Variants in ENTPD1 observed in about 807,000 individuals in gnomAD.
The protein encoded by ENTPD1 is ectonucleoside triphosphate diphosphohydrolase 1, also known as ATP diphosphohydrolase.
In ENTPD1, 33 loss-of-function variants were observed where a neutral mutation model predicts 57.0. The observed-to-expected ratio is 0.58, with a 90% CI of 0.44 to 0.77. The LOEUF is 0.77. Ranked by LOEUF, ENTPD1 falls within the 30% of genes least tolerant of loss-of-function variation. The pLI is 0.00. For synonymous variants in ENTPD1, 202 were observed against 218.8 expected (o/e 0.92, Z 0.68); for missense variants, 501 against 603.4 (o/e 0.83, Z 1.78).
intron 1 of ENTPD1, among the ~76,000 whole-genome samples, chr10:95,733,306 C>CA (rs1398440689): frequency 1.3e-5 from 2 of 152,186 alleles, no homozygotes; most frequent in African/African-American, 4.8e-5. Context: ...GCCCTTGTTC[C>CA]ATGAACATCA....
intron 1 of ENTPD1, among the ~76,000 whole-genome samples, chr10:95,792,197 A>G (rs2098207305): frequency 6.6e-6 from 1 of 152,212 alleles, no homozygotes; most frequent in African/African-American, 2.4e-5. Context: ...GTTTCTTGGG[A>G]TACAGCACTT....
At chr10:95,723,711 C>G (rs1336625444) in intron 1 of ENTPD1, among the ~76,000 whole-genome samples, 1 of 152,168 alleles carries the variant, frequency 6.6e-6, no homozygotes, top group Admixed American at 6.5e-5. Context: ...GTAGAGACTT[C>G]TGGCTGTGCC....
chr10:95,800,946 A>C (rs928055675), intron 1 of ENTPD1, among the ~76,000 whole-genome samples: 1 of 152,248 alleles, frequency 6.6e-6, no homozygotes, highest in Admixed American at 6.5e-5. Flanking sequence ...TGACAGGATT[A>C]AGAGATTAAA....
intron 1 of ENTPD1, among the ~76,000 whole-genome samples, chr10:95,764,207 T>C (rs2098079250): frequency 1.3e-5 from 2 of 152,350 alleles, no homozygotes; most frequent in South Asian, 4.1e-4. Flanking sequence ...CAATCTACTT[T>C]CTGTCCCCAC....
In ENTPD1 at chr10:95,797,041, C is replaced by A. The variant is rs141983124; in HGVS notation, c.17-26196C>A. Among the ~76,000 whole-genome samples, 145 of 152,050 alleles carry A rather than the reference C, an allele frequency of 9.5e-4. 1 individual carries two copies. Among genetic ancestry groups the A allele is most frequent in the African/African-American group, 3.2e-3 (131 of 41,476 alleles). Reference sequence around the variant, plus strand: ...TGAGCTATAATTATGCCACTGCACTCCAGCCTGGGTTACAGAGCAAGACTC... The same window carrying A: ...TGAGCTATAATTATGCCACTGCACTACAGCCTGGGTTACAGAGCAAGACTC... On this transcript the variant is annotated intron_variant, in intron 1 of 9. Transcript: ENST00000371205.
chr10:95,868,122 A>G lies in ENTPD1; in HGVS notation c.*1739A>G, dbSNP rs530474723. The G allele has an allele frequency of 2.7e-3, 2,609 of 983,782 alleles. 6 individuals are homozygous for G. The highest frequency in any genetic ancestry group is 3.0e-3 in the Non-Finnish European group (2,445 of 828,386). 60.9% of individuals were successfully genotyped at this position (983,782 alleles called of 1,614,324 possible). A position where few individuals can be genotyped will look rare whatever the true frequency, so the allele number is the denominator to read the frequency against. ...TTTAATCCTCACAACAATCTGAAGA[A>G]GGTAGGTATTACAATTCCCACTTCA... On this transcript the variant is annotated 3_prime_UTR_variant, in exon 10 of 10. Transcript: ENST00000371205.
upstream of ENTPD1, chr10:95,753,339 T>C (rs1043228743): frequency 2.6e-5 from 4 of 152,236 alleles, no homozygotes; most frequent in Admixed American, 2.6e-4. Flanking sequence ...ATTTTCATGA[T>C]GCTGAGGAGG....
chr10:95,764,237 A>T (rs987630383), intron 1 of ENTPD1, among the ~76,000 whole-genome samples: 16 of 152,366 alleles, frequency 1.1e-4, no homozygotes, highest in Non-Finnish European at 2.2e-4. Flanking sequence ...AATTCTGGAC[A>T]TTCATTTCAT....
chr10:95,845,471 A>G lies in ENTPD1; in HGVS notation c.688A>G (p.Ile230Val). ...QVTFVPQNQTIESPDNALQFR... is the reference protein window; with the variant it reads ...QVTFVPQNQTVESPDNALQFR... ...CACTTTTGTACCCCAAAACCAGACT[A>G]TCGAGTCCCCAGATAATGCTCTGCA... Residue 230 changes from isoleucine to valine, a missense_variant, in exon 6 of 10, where the codon ATC becomes GTC. Transcript: ENST00000371205. The G allele has an allele frequency of 6.2e-7, 1 of 1,614,238 alleles. No homozygotes were observed. Among genetic ancestry groups the G allele is most frequent in the Non-Finnish European group, 8.5e-7 (1 of 1,180,038 alleles).
intron 1 of ENTPD1, among the ~76,000 whole-genome samples, chr10:95,729,636 G>T (rs1178064445): frequency 1.3e-5 from 2 of 152,150 alleles, no homozygotes; most frequent in Non-Finnish European, 2.9e-5. Flanking sequence ...TCAGCAAAAA[G>T]AATGGCAACT....
intron 1 of ENTPD1, among the ~76,000 whole-genome samples, chr10:95,766,384 T>G (rs2098088336): frequency 6.6e-6 from 1 of 152,172 alleles, no homozygotes; most frequent in Admixed American, 6.5e-5. Flanking sequence ...TATCATAGAT[T>G]TACTTTTAAC....
Position 95,845,378 on chromosome 10 carries a change from G to A in ENTPD1, c.595G>A (p.Val199Ile), listed in dbSNP as rs911744459. The A allele has an allele frequency of 3.8e-5, 62 of 1,614,120 alleles. No individual in the cohort carries two copies. Among genetic ancestry groups the A allele is most frequent in the Non-Finnish European group, 5.2e-5 (61 of 1,180,052 alleles). The change falls in exon 6 of 10, where the codon GTC becomes ATC. Residue 199 changes from valine to isoleucine, a missense_variant. By Grantham distance (29) the Val-to-Ile change is conservative. Coordinates refer to ENST00000371205, the MANE Select transcript of ENTPD1 (RefSeq NM_001776.6). ...FSQKTRWFSI[V>I]PYETNNQETF... The stretch of plus-strand genomic sequence containing the variant: ...TCAGAAAACAAGGTGGTTCAGCATA[G>A]TCCCATATGAAACCAATAATCAGGA...
chr10:95,858,019 G>A (rs1289567871), intron 7 of ENTPD1, among the ~76,000 whole-genome samples: 1 of 152,104 alleles, frequency 6.6e-6, no homozygotes, highest in Non-Finnish European at 1.5e-5. Flanking sequence ...TTAGCCGGGC[G>A]TGGTGGCAGG....
chr10:95,760,849 A>G (rs1208857916), intron 1 of ENTPD1, among the ~76,000 whole-genome samples: 3 of 25,438 alleles, frequency 1.2e-4, no homozygotes, highest in African/African-American at 1.9e-4. Flanking sequence ...TTTTTTTTTG[A>G]GACGGAGTCT....
intron 1 of ENTPD1, among the ~76,000 whole-genome samples, chr10:95,766,440 C>T (rs1025559446): frequency 2.0e-5 from 3 of 152,152 alleles, no homozygotes; most frequent in African/African-American, 7.2e-5. Flanking sequence ...CTTAGATTCT[C>T]TAACAGTGCT....
At chr10:95,726,915 G>A (rs2097984296) in intron 1 of ENTPD1, among the ~76,000 whole-genome samples, 1 of 152,138 alleles carries the variant, frequency 6.6e-6, no homozygotes, top group Non-Finnish European at 1.5e-5. Flanking sequence ...TGCTCCCAGA[G>A]AAGTGGCACC....
At chr10:95,776,857 T>C (rs2098136125) in intron 1 of ENTPD1, among the ~76,000 whole-genome samples, 1 of 152,212 alleles carries the variant, frequency 6.6e-6, no homozygotes, top group Non-Finnish European at 1.5e-5. Context: ...TCTCTAAATT[T>C]CTCTTCTCAC....
chr10:95,757,541 G>GT (rs2098032784), intron 1 of ENTPD1, among the ~76,000 whole-genome samples: 1 of 152,142 alleles, frequency 6.6e-6, no homozygotes, highest in Admixed American at 6.5e-5. Flanking sequence ...TCTTAAGTCT[G>GT]TGAAGGAATT....
At chr10:95,725,256 C>T (rs35051706) in intron 1 of ENTPD1, among the ~76,000 whole-genome samples, 13,120 of 152,032 alleles carry the variant, frequency 0.086, 694 homozygotes, top group Middle Eastern at 0.16. Context: ...GAATCATTAT[C>T]ATATTTTTCT....
Sources: allele counts gnomAD v4.1 joint callset (sites outside exome capture counted in the v4.1 genomes callset), GRCh38; gene constraint gnomAD v4.1.1; transcripts MANE v1.5; gene names NCBI Gene and HGNC (gene_info 2026-07-23, HGNC 2026-07-21).